AGBL4: variants seen among roughly 807,000 people sequenced by gnomAD.
AGBL4 encodes AGBL carboxypeptidase 4.
In AGBL4, 58 loss-of-function variants were observed where a neutral mutation model predicts 66.4. The observed-to-expected ratio is 0.87, with a 90% confidence interval of 0.71 to 1.09. AGBL4 has a LOEUF of 1.09. Ranked by LOEUF, AGBL4 falls within the 50% of genes least tolerant of loss-of-function variation. The probability of loss-of-function intolerance (pLI) is 0.00; values close to 1 mark genes in which losing one functional copy is unlikely to be tolerated. For synonymous variants in AGBL4, 234 were observed against 222.9 expected (o/e 1.05, Z -0.44); for missense variants, 579 against 631.0 (o/e 0.92, Z 0.88).
At chr1:48,887,455 A>G (rs1650477980) in intron 5 of AGBL4, among the ~76,000 whole-genome samples, 1 of 151,912 alleles carries the variant, frequency 6.6e-6, no homozygotes, top group Non-Finnish European at 1.5e-5. Flanking sequence ...GGTAAGAGGG[A>G]ACTAATGTTT....
chr1:49,646,463 G>A (rs1271713199), intron 3 of AGBL4, among the ~76,000 whole-genome samples: 2 of 151,774 alleles, frequency 1.3e-5, no homozygotes, highest in Admixed American at 6.6e-5. Context: ...AAATAACTTA[G>A]AAATAAATCT....
At chr1:49,162,733 C>T (rs1455255941) in intron 4 of AGBL4, among the ~76,000 whole-genome samples, 2 of 152,166 alleles carry the variant, frequency 1.3e-5, no homozygotes, top group African/African-American at 4.8e-5. Flanking sequence ...AGACCTAAGA[C>T]AGGTCCCTTA....
intron 3 of AGBL4, among the ~76,000 whole-genome samples, chr1:49,306,728 G>A (rs1270524695): frequency 6.6e-6 from 1 of 152,196 alleles, no homozygotes; most frequent in East Asian, 1.9e-4. Flanking sequence ...TGTGGGGATA[G>A]AGAAGAAATT....
intron 3 of AGBL4, among the ~76,000 whole-genome samples, chr1:49,278,254 C>A (rs1043618951): frequency 3.3e-5 from 5 of 151,894 alleles, no homozygotes; most frequent in African/African-American, 1.2e-4. Context: ...AAATTTATCT[C>A]CTCTCCTTTG....
At chr1:49,929,596 A>G (rs1653130417) in intron 1 of AGBL4, among the ~76,000 whole-genome samples, 1 of 152,082 alleles carries the variant, frequency 6.6e-6, no homozygotes, top group Non-Finnish European at 1.5e-5. Context: ...TTTATCTGAC[A>G]TACACAAGCT....
At chr1:49,362,057 C>CA (rs898949331) in intron 3 of AGBL4, among the ~76,000 whole-genome samples, 7 of 149,850 alleles carry the variant, frequency 4.7e-5, no homozygotes, top group Admixed American at 6.7e-5. Context: ...ATGCTAAGGA[C>CA]AAAAAAAAAT....
chr1:49,659,611 T>C (rs934865796), intron 3 of AGBL4, among the ~76,000 whole-genome samples: 1 of 152,066 alleles, frequency 6.6e-6, no homozygotes, highest in African/African-American at 2.4e-5. Context: ...ATCCTAAGTA[T>C]ACACACACCC....
At chr1:49,441,288 G>T (rs1646024145) in intron 3 of AGBL4, among the ~76,000 whole-genome samples, 1 of 152,192 alleles carries the variant, frequency 6.6e-6, no homozygotes. Context: ...GATAATGGTG[G>T]AAGGAACATA....
intron 4 of AGBL4, among the ~76,000 whole-genome samples, chr1:49,072,086 CA>C (rs1293832564): frequency 6.6e-6 from 1 of 152,132 alleles, no homozygotes; most frequent in African/African-American, 2.4e-5. Flanking sequence ...CTTTGCTTTC[CA>C]TTTGCCTGGT....
At chr1:49,166,159 C>A (rs1646630193) in intron 4 of AGBL4, among the ~76,000 whole-genome samples, 1 of 152,094 alleles carries the variant, frequency 6.6e-6, no homozygotes, top group Admixed American at 6.6e-5. Flanking sequence ...CCTTCAGGGA[C>A]CCAGCTTCAT....
chr1:48,803,068 C>G, intron 6 of AGBL4, among the ~76,000 whole-genome samples: 1 of 152,208 alleles, frequency 6.6e-6, no homozygotes, highest in East Asian at 1.9e-4. Context: ...ATTATTCCCA[C>G]TAGTGAAGAC....
At chr1:49,874,520 T>C (rs907703784) in intron 1 of AGBL4, among the ~76,000 whole-genome samples, 8 of 152,132 alleles carry the variant, frequency 5.3e-5, no homozygotes, top group African/African-American at 1.4e-4. Flanking sequence ...CATTGTAATG[T>C]CATAGAATTA....
At chr1:49,713,352 G>A (rs921361350) in intron 2 of AGBL4, among the ~76,000 whole-genome samples, 10 of 151,852 alleles carry the variant, frequency 6.6e-5, no homozygotes, top group African/African-American at 9.7e-5. Flanking sequence ...TAATTTCCAC[G>A]GCACCTTTTC....
intron 4 of AGBL4, among the ~76,000 whole-genome samples, chr1:49,082,574 T>C (rs1644827082): frequency 6.6e-6 from 1 of 152,178 alleles, no homozygotes; most frequent in South Asian, 2.1e-4. Context: ...AGGGGAAAAC[T>C]GCTACCATGA....
intron 3 of AGBL4, among the ~76,000 whole-genome samples, chr1:49,249,291 C>T (rs1651869433): frequency 6.6e-6 from 1 of 152,082 alleles, no homozygotes; most frequent in Non-Finnish European, 1.5e-5. Context: ...AAGAGACAAC[C>T]TCCAGAATGG....
intron 4 of AGBL4, among the ~76,000 whole-genome samples, chr1:49,166,899 T>A (rs1646645507): frequency 6.6e-6 from 1 of 152,190 alleles, no homozygotes; most frequent in Non-Finnish European, 1.5e-5. Context: ...AACTTCATGA[T>A]TCTTTTCTTC....
At chr1:49,945,390 G>A (rs1655118157) in intron 1 of AGBL4, among the ~76,000 whole-genome samples, 1 of 152,210 alleles carries the variant, frequency 6.6e-6, no homozygotes, top group African/African-American at 2.4e-5. Flanking sequence ...CTATAAGCTA[G>A]AGGAAATTGG....
chr1:49,767,346 T>C (rs1643911432), intron 2 of AGBL4, among the ~76,000 whole-genome samples: 1 of 151,974 alleles, frequency 6.6e-6, no homozygotes, highest in Non-Finnish European at 1.5e-5. Flanking sequence ...AACAACTTGA[T>C]CCTGAAAGAC....
chr1:49,482,218 T>A (rs1186688960), intron 3 of AGBL4, among the ~76,000 whole-genome samples: 1 of 151,962 alleles, frequency 6.6e-6, no homozygotes, highest in Non-Finnish European at 1.5e-5. Flanking sequence ...CAGCTCTTTG[T>A]TTGTACATCT....
Sources: gnomAD v4.1 joint callset for allele counts (sites outside exome capture counted in the v4.1 genomes callset) on GRCh38, gnomAD v4.1.1 for gene constraint, MANE v1.5 for transcripts, NCBI Gene and HGNC (gene_info 2026-07-23, HGNC 2026-07-21) for gene names.